The following COMMD10 variants were observed in gnomAD, a reference collection of about 807,000 sequenced individuals.
The protein encoded by COMMD10 is COMM domain-containing protein 10.
Under a neutral mutation model 28.9 loss-of-function variants are expected in COMMD10, and 33 were observed. That is an observed-to-expected ratio of 1.14 (90% confidence interval 0.87 to 1.53). The LOEUF (loss-of-function observed/expected upper bound fraction) is 1.53, where lower values mean the gene tolerates loss of function less well. COMMD10 is among the 40% of genes most tolerant of loss of function. The probability of loss-of-function intolerance (pLI) is 0.00; values close to 1 mark genes in which losing one functional copy is unlikely to be tolerated. For synonymous variants in COMMD10, 110 were observed against 81.7 expected (o/e 1.35, Z -1.87); for missense variants, 310 against 233.4 (o/e 1.33, Z -2.14).
intron 5 of COMMD10, among the ~76,000 whole-genome samples, chr5:116,277,304 A>C (rs757459525): frequency 6.6e-6 from 1 of 151,908 alleles, no homozygotes; most frequent in African/African-American, 2.4e-5. Flanking sequence ...AATATGCATC[A>C]TTTGTTCACT....
chr5:116,140,816 T>A (rs1175036290), intron 5 of COMMD10, among the ~76,000 whole-genome samples: 1 of 151,884 alleles, frequency 6.6e-6, no homozygotes, highest in Non-Finnish European at 1.5e-5. Flanking sequence ...TGTGAGTTCC[T>A]TATACATGTT....
rs1449353904 is a variant in COMMD10 at position 116,204,812 on chromosome 5, G to A, written c.510+70634G>A. Among the ~76,000 whole-genome samples, 7 of 152,072 alleles carry A rather than the reference G, an allele frequency of 4.6e-5. 1 individual carries two copies. Among genetic ancestry groups the A allele is most frequent in the South Asian group, 4.2e-4 (2 of 4,816 alleles). ...ATTTACTGTGGAGGTCGTGGTATAC[G>A]GTATTAAAGAAGACATTCAACTAGA... On this transcript the variant is annotated intron_variant, in intron 5 of 6. Coordinates refer to ENST00000274458, the MANE Select transcript of COMMD10 (RefSeq NM_016144.4).
rs1431877121 is a variant in COMMD10 at position 116,134,163 on chromosome 5, C to G, written c.495C>G (p.Asn165Lys). Residue 165 changes from asparagine to lysine, a missense_variant, in exon 5 of 7, where the codon AAC (asparagine) becomes AAG (lysine). Asn to Lys is a moderately conservative substitution (Grantham distance 94, BLOSUM62 0). Transcript: ENST00000274458. ...AAGCTGTGTTACAACTCGGAGTGAA[C>G]AATGAAGATTCAAAGGTAAGAAATG... ...SPQAVLQLGV[N>K]NEDSKSLEKV... is the part of the protein sequence containing the mutation. The G allele has an allele frequency of 5.0e-6, 8 of 1,596,334 alleles. No individual in the cohort carries two copies. The highest frequency in any genetic ancestry group is 6.9e-6 in the Non-Finnish European group (8 of 1,163,742).
At chr5:116,089,648 C>T (rs922286526) in intron 2 of COMMD10, among the ~76,000 whole-genome samples, 18 of 152,146 alleles carry the variant, frequency 1.2e-4, no homozygotes, top group African/African-American at 4.3e-4. Context: ...CTAAAGCATT[C>T]CATGGAGGAG....
At chr5:116,090,891 T>C (rs1219207136) in intron 2 of COMMD10, among the ~76,000 whole-genome samples, 188 bp from the exon 3 acceptor site, 1 of 152,226 alleles carries the variant, frequency 6.6e-6, no homozygotes, top group East Asian at 1.9e-4. Flanking sequence ...ATCTAATTTA[T>C]TTTGTTTACA....
chr5:116,261,756 A>C (rs149971654), intron 5 of COMMD10, among the ~76,000 whole-genome samples: 1 of 151,844 alleles, frequency 6.6e-6, no homozygotes, highest in African/African-American at 2.4e-5. Flanking sequence ...TTATCAACTT[A>C]AACTGTTCTT....
At chr5:116,167,313 T>A (rs1345860407) in intron 5 of COMMD10, among the ~76,000 whole-genome samples, 1 of 151,742 alleles carries the variant, frequency 6.6e-6, no homozygotes, top group African/African-American at 2.4e-5. Flanking sequence ...TGAAAAGGAA[T>A]GAACAAAGCC....
chr5:116,291,178 T>G (rs957702356), intron 5 of COMMD10, among the ~76,000 whole-genome samples: 1 of 152,178 alleles, frequency 6.6e-6, no homozygotes, highest in Non-Finnish European at 1.5e-5. Context: ...TTTACTAGAT[T>G]TCAAACAGAC....
intron 5 of COMMD10, among the ~76,000 whole-genome samples, chr5:116,191,598 G>A (rs948914055): frequency 1.3e-5 from 2 of 151,800 alleles, no homozygotes; most frequent in Middle Eastern, 3.2e-3. Flanking sequence ...CTAGTGACCT[G>A]GGAATCTCAC....
chr5:116,207,732 G>T (rs1348033710), intron 5 of COMMD10, among the ~76,000 whole-genome samples: 1 of 152,026 alleles, frequency 6.6e-6, no homozygotes, highest in African/African-American at 2.4e-5. Context: ...CACCACGTTG[G>T]CCAGGCTAGT....
intron 5 of COMMD10, among the ~76,000 whole-genome samples, chr5:116,225,133 G>C (rs949511785): frequency 6.6e-6 from 1 of 151,896 alleles, no homozygotes; most frequent in Admixed American, 6.6e-5. Flanking sequence ...TTTAGATCTA[G>C]AGTTTTCTGT....
chr5:116,237,440 T>G (rs1351166882), intron 5 of COMMD10, among the ~76,000 whole-genome samples: 1 of 151,872 alleles, frequency 6.6e-6, no homozygotes, highest in Non-Finnish European at 1.5e-5. Context: ...ATTTTCAATT[T>G]AGTTCTATCA....
chr5:116,217,449 C>T (rs1179253202), intron 5 of COMMD10, among the ~76,000 whole-genome samples: 1 of 152,174 alleles, frequency 6.6e-6, no homozygotes, highest in Admixed American at 6.5e-5. Context: ...TGTTGTTTAA[C>T]AACTTTTCAC....
At chr5:116,129,091 T>A (rs1490650626) in intron 4 of COMMD10, among the ~76,000 whole-genome samples, 1 of 151,906 alleles carries the variant, frequency 6.6e-6, no homozygotes, top group Non-Finnish European at 1.5e-5. Flanking sequence ...CTTTCTCCAC[T>A]TTGATTCAGT....
At chr5:116,259,041 T>C (rs762669649) in intron 5 of COMMD10, among the ~76,000 whole-genome samples, 1 of 151,278 alleles carries the variant, frequency 6.6e-6, no homozygotes, top group Non-Finnish European at 1.5e-5. Context: ...TCAATAATTT[T>C]ATCTTTAGCT....
At chr5:116,133,685 A>G (rs1053740606) in intron 4 of COMMD10, among the ~76,000 whole-genome samples, 5 of 152,228 alleles carry the variant, frequency 3.3e-5, no homozygotes, top group African/African-American at 7.2e-5. Flanking sequence ...AATTTATGCA[A>G]TTTACTAGTT....
chr5:116,219,009 C>T (rs372022201), intron 5 of COMMD10, among the ~76,000 whole-genome samples: 1 of 152,108 alleles, frequency 6.6e-6, no homozygotes, highest in African/African-American at 2.4e-5. Flanking sequence ...GGGCTATTAT[C>T]CAGTATGACT....
chr5:116,251,396 C>G (rs1750114975), intron 5 of COMMD10, among the ~76,000 whole-genome samples: 1 of 145,454 alleles, frequency 6.9e-6, no homozygotes, highest in Non-Finnish European at 1.5e-5. Flanking sequence ...CACCCACTAA[C>G]TCGTCATCTA....
At chr5:116,278,998 G>A (rs1275519841) in intron 5 of COMMD10, among the ~76,000 whole-genome samples, 6 of 151,534 alleles carry the variant, frequency 4.0e-5, no homozygotes, top group African/African-American at 1.5e-4. Context: ...TTCCTTCAGG[G>A]GAAAAATGAC....
Sources: allele counts gnomAD v4.1 joint callset (sites outside exome capture counted in the v4.1 genomes callset), GRCh38; gene constraint gnomAD v4.1.1; transcripts MANE v1.5; gene names NCBI Gene and HGNC (gene_info 2026-07-23, HGNC 2026-07-21).